FAM117B: variants seen among roughly 807,000 people sequenced by gnomAD.
FAM117B encodes protein FAM117B.
Under a neutral mutation model 52.8 loss-of-function variants are expected in FAM117B, and 22 were observed. The ratio of observed to expected loss-of-function variants is 0.42; its 90% CI spans 0.30 to 0.59. The LOEUF (loss-of-function observed/expected upper bound fraction) is 0.59, where lower values mean the gene tolerates loss of function less well. Among genes scored for constraint, FAM117B ranks in the 20% least tolerant of loss-of-function variants. FAM117B has a pLI of 0.22. For synonymous variants in FAM117B, 309 were observed against 324.1 expected (o/e 0.95, Z 0.50); for missense variants, 678 against 802.6 (o/e 0.84, Z 1.88).
intron 4 of FAM117B, among the ~76,000 whole-genome samples, chr2:202,736,823 T>G (rs1457216030): frequency 6.6e-6 from 1 of 152,074 alleles, no homozygotes. Context: ...TGTATTAGGG[T>G]TTCTGGCTCA....
At chr2:202,715,827 C>T (rs998524609) in intron 2 of FAM117B, among the ~76,000 whole-genome samples, 13 of 152,260 alleles carry the variant, frequency 8.5e-5, no homozygotes, top group Non-Finnish European at 1.5e-4. Context: ...CGTCTGCAAT[C>T]CCGGCACCTC....
At position 202,741,997 on chromosome 2, in the gene FAM117B, T is replaced by C. The variant is rs1433389239; in HGVS notation, c.961-13541T>C. ...ACTTAAGAATGAAATTAATAAGTAC[T>C]ACACAATCTACATGGGGAAAATTAA... On this transcript the variant is annotated intron_variant, in intron 4 of 7. Coordinates refer to ENST00000392238, the MANE Select transcript of FAM117B (RefSeq NM_173511.4). Among the ~76,000 whole-genome samples, 9 of 152,342 alleles carry C rather than the reference T, an allele frequency of 5.9e-5. No homozygotes were observed. The South Asian group carries it at 1.9e-3, about 32-fold the overall frequency.
chr2:202,641,377 A>G (rs1689766826), intron 1 of FAM117B, among the ~76,000 whole-genome samples: 1 of 152,158 alleles, frequency 6.6e-6, no homozygotes, highest in South Asian at 2.1e-4. Flanking sequence ...GAAGGGAGAG[A>G]CGTAAGTTTT....
At chr2:202,712,095 T>C (rs1327604086) in intron 2 of FAM117B, among the ~76,000 whole-genome samples, 1 of 152,176 alleles carries the variant, frequency 6.6e-6, no homozygotes, top group African/African-American at 2.4e-5. Flanking sequence ...TTATGGTATT[T>C]TGGTAGAGAT....
At chr2:202,642,973 G>A (rs1689793433) in intron 1 of FAM117B, among the ~76,000 whole-genome samples, 1 of 152,190 alleles carries the variant, frequency 6.6e-6, no homozygotes. Context: ...GGAGAGATAG[G>A]AAAGATTTTC....
intron 2 of FAM117B, among the ~76,000 whole-genome samples, chr2:202,696,792 G>A (rs988348743): frequency 1.3e-5 from 2 of 152,186 alleles, no homozygotes; most frequent in African/African-American, 4.8e-5. Context: ...AGGGCCAGGC[G>A]GGATGGCTTA....
intron 1 of FAM117B, among the ~76,000 whole-genome samples, chr2:202,637,220 C>T (rs1361195272): frequency 6.6e-6 from 1 of 151,196 alleles, no homozygotes; most frequent in Non-Finnish European, 1.5e-5. Flanking sequence ...CTAATTAGAA[C>T]CAGAGCACTG....
chr2:202,665,778 T>C lies in FAM117B; in HGVS notation c.601+29990T>C, dbSNP rs1690196349. Among the ~76,000 whole-genome samples, 4 of 152,132 alleles carry C rather than the reference T, an allele frequency of 2.6e-5. No individual in the cohort carries two copies. The South Asian group carries it at 8.3e-4, about 32-fold the overall frequency. ...ACCATGCCTGGCTAATTTTTGTATT[T>C]TTAGTAGAGACAGGGTTTCACCATG... On this transcript the variant is annotated intron_variant, in intron 1 of 7. Coordinates refer to ENST00000392238, the MANE Select transcript of FAM117B (RefSeq NM_173511.4).
chr2:202,736,621 G>C (rs1413014053), intron 4 of FAM117B, among the ~76,000 whole-genome samples: 3 of 152,100 alleles, frequency 2.0e-5, no homozygotes, highest in Non-Finnish European at 4.4e-5. Flanking sequence ...AATTAGCCAG[G>C]TGTGGTGGCA....
chr2:202,717,556 G>A (rs771423774), intron 2 of FAM117B, among the ~76,000 whole-genome samples: 80 of 152,212 alleles, frequency 5.3e-4, no homozygotes, highest in Non-Finnish European at 1.0e-3. Context: ...TATTCTTGCA[G>A]AGTTGTAGAT....
intron 1 of FAM117B, among the ~76,000 whole-genome samples, chr2:202,646,591 C>G (rs971401547): frequency 2.6e-5 from 4 of 152,128 alleles, no homozygotes; most frequent in Non-Finnish European, 5.9e-5. Flanking sequence ...GGCATCGTTT[C>G]CATTTCTCAG....
chr2:202,683,099 G>A (rs560775430), intron 1 of FAM117B, among the ~76,000 whole-genome samples: 28 of 152,216 alleles, frequency 1.8e-4, no homozygotes, highest in East Asian at 7.7e-4. Flanking sequence ...AGGCCGAGGC[G>A]GGCAGATCAC....
intron 1 of FAM117B, among the ~76,000 whole-genome samples, chr2:202,695,054 A>C (rs1400481129): frequency 6.6e-6 from 1 of 152,198 alleles, no homozygotes; most frequent in Non-Finnish European, 1.5e-5. Flanking sequence ...AACAAGAAGG[A>C]GATCCAAATA....
intron 1 of FAM117B, among the ~76,000 whole-genome samples, chr2:202,648,056 T>G (rs1689896115): frequency 6.6e-6 from 1 of 152,140 alleles, no homozygotes; most frequent in Non-Finnish European, 1.5e-5. Context: ...CCTACTCCAT[T>G]CTTTCTTTGC....
intron 2 of FAM117B, among the ~76,000 whole-genome samples, chr2:202,700,641 G>T (rs955299906): frequency 6.6e-6 from 1 of 151,622 alleles, no homozygotes; most frequent in African/African-American, 2.4e-5. Flanking sequence ...TTATCCAGAA[G>T]ATCTAGCTAA....
chr2:202,737,259 G>T (rs1352518810), intron 4 of FAM117B, among the ~76,000 whole-genome samples: 2 of 152,064 alleles, frequency 1.3e-5, no homozygotes, highest in Non-Finnish European at 2.9e-5. Flanking sequence ...TATTAGGCAG[G>T]TAAAGATATG....
chr2:202,685,969 C>A (rs1034905924), intron 1 of FAM117B, among the ~76,000 whole-genome samples: 1 of 152,096 alleles, frequency 6.6e-6, no homozygotes, highest in Non-Finnish European at 1.5e-5. Context: ...CGAAAGGCAC[C>A]ATTAAAAATT....
At chr2:202,691,933 C>T (rs79984907) in intron 1 of FAM117B, among the ~76,000 whole-genome samples, 207 of 152,178 alleles carry the variant, frequency 1.4e-3, no homozygotes, top group Non-Finnish European at 2.6e-3. Context: ...GCATTTATAA[C>T]AATTACGTAT....
chr2:202,653,998 G>A (rs952396603), intron 1 of FAM117B, among the ~76,000 whole-genome samples: 9 of 151,716 alleles, frequency 5.9e-5, no homozygotes, highest in African/African-American at 1.9e-4. Context: ...AGGTAGACTC[G>A]TGATTGCCAA....
Sources: gnomAD v4.1 joint callset for allele counts (sites outside exome capture counted in the v4.1 genomes callset) on GRCh38, gnomAD v4.1.1 for gene constraint, MANE v1.5 for transcripts, NCBI Gene and HGNC (gene_info 2026-07-23, HGNC 2026-07-21) for gene names.